SH3D19: variants seen among roughly 807,000 people sequenced by gnomAD.
SH3D19 encodes the protein SH3 domain containing 19.
A neutral mutation model predicts 112.1 loss-of-function variants in SH3D19; 58 were observed. The ratio of observed to expected loss-of-function variants is 0.52; its 90% CI spans 0.42 to 0.64. SH3D19 has a LOEUF of 0.64. SH3D19 is among the 30% of genes least tolerant of loss of function. SH3D19 has a pLI of 0.00. For synonymous variants in SH3D19, 391 were observed against 448.5 expected, an observed-to-expected ratio of 0.87 and a Z score of 1.62; for missense variants, 1,090 against 1,263.4, an observed-to-expected ratio of 0.86 and a Z score of 2.08.
At chr4:151,235,373 A>T (rs1199426610) in intron 1 of SH3D19, among the ~76,000 whole-genome samples, 1 of 152,260 alleles carries the variant, frequency 6.6e-6, no homozygotes, top group Non-Finnish European at 1.5e-5. Flanking sequence ...TGAGAAAGTG[A>T]CCTAATAACA....
At chr4:151,218,068 T>C (rs186531884) in intron 2 of SH3D19, among the ~76,000 whole-genome samples, 2 of 152,238 alleles carry the variant, frequency 1.3e-5, no homozygotes, top group East Asian at 3.9e-4. Flanking sequence ...CACTCTTAAG[T>C]CACCTATGGG....
chr4:151,127,347 C>A (rs1749639001), intron 19 of SH3D19, among the ~76,000 whole-genome samples: 1 of 152,138 alleles, frequency 6.6e-6, no homozygotes, highest in Non-Finnish European at 1.5e-5. Context: ...ATCTGATGAC[C>A]TAAGACCAAG....
intron 1 of SH3D19, among the ~76,000 whole-genome samples, chr4:151,296,333 CAT>C (rs1775715104): frequency 6.6e-6 from 1 of 152,000 alleles, no homozygotes; most frequent in Non-Finnish European, 1.5e-5. Flanking sequence ...ATTGCTAAGA[CAT>C]AAAATGAAAA....
intron 1 of SH3D19, among the ~76,000 whole-genome samples, chr4:151,277,868 C>G (rs1358782355): frequency 2.0e-5 from 3 of 152,078 alleles, no homozygotes; most frequent in African/African-American, 7.2e-5. Context: ...TGGTGAAACC[C>G]CATCTCTACA....
intron 1 of SH3D19, among the ~76,000 whole-genome samples, chr4:151,240,080 C>T (rs1412814643): frequency 1.3e-5 from 2 of 149,636 alleles, no homozygotes; most frequent in Non-Finnish European, 3.0e-5. Flanking sequence ...GCTTGGGCAA[C>T]ATACGGAGAT....
intron 9 of SH3D19, among the ~76,000 whole-genome samples, chr4:151,156,780 A>G (rs1469501749): frequency 6.6e-6 from 1 of 152,240 alleles, no homozygotes; most frequent in Non-Finnish European, 1.5e-5. Context: ...ACACCTCAAA[A>G]GCACAGGCAA....
At chr4:151,124,112 ATT>A in intron 19 of SH3D19, among the ~76,000 whole-genome samples, 1 of 147,874 alleles carries the variant, frequency 6.8e-6, no homozygotes, top group Non-Finnish European at 1.5e-5. Context: ...GGCTAGGACT[ATT>A]TTTTTTTTTT....
chr4:151,258,479 G>A (rs1772113953), intron 1 of SH3D19, among the ~76,000 whole-genome samples: 1 of 152,210 alleles, frequency 6.6e-6, no homozygotes, highest in South Asian at 2.1e-4. Flanking sequence ...CTGAGATGTG[G>A]CAGTTTAGGC....
At chr4:151,266,214 A>T (rs112793601) in intron 1 of SH3D19, 6 of 152,346 alleles carry the variant, frequency 3.9e-5, no homozygotes, top group African/African-American at 9.6e-5. Flanking sequence ...GAAGAAAACC[A>T]GGATTAAGAC....
intron 9 of SH3D19, among the ~76,000 whole-genome samples, chr4:151,153,116 G>A (rs1441437839): frequency 1.3e-5 from 2 of 151,940 alleles, no homozygotes; most frequent in Non-Finnish European, 2.9e-5. Context: ...TTACAGGCAT[G>A]AACCACCATG....
intron 9 of SH3D19, among the ~76,000 whole-genome samples, chr4:151,156,196 A>G (rs965239593): frequency 1.3e-5 from 2 of 152,222 alleles, no homozygotes; most frequent in African/African-American, 4.8e-5. Flanking sequence ...ACAAACAGAC[A>G]TTCTATATTC....
chr4:151,244,473 G>A lies in SH3D19; in HGVS notation c.113-18387C>T, dbSNP rs570057216. On this transcript the variant is annotated intron_variant, in intron 1 of 19. Coordinates refer to ENST00000604030, the MANE Select transcript of SH3D19 (RefSeq NM_001378122.1). ...TTCTAAGTTGTTTCTTTTTACACCC[G>A]AGGATCACAAAAGAATGACTTCTTC... Among the ~76,000 whole-genome samples the A allele has an allele frequency of 5.3e-5, 8 of 152,284 alleles. No homozygotes were observed. The South Asian group carries it at 8.3e-4, about 16-fold the overall frequency.
At position 151,127,595 on chromosome 4, in the gene SH3D19, T is replaced by C. The variant is rs776699465; in HGVS notation, c.3027+23A>G. 18 of 1,413,436 alleles carry C rather than the reference T, an allele frequency of 1.3e-5. No homozygotes were observed. In the Admixed American group the frequency reaches 3.6e-4, roughly 28 times the overall value. The allele number at this position is 1,413,436 out of a possible 1,614,324, so 87.6% of individuals were successfully genotyped here. A position where few individuals can be genotyped will look rare whatever the true frequency, so the allele number is the denominator to read the frequency against. ...AAAAAATTATAGTGCTTAATGCAGTTATGAAGAGATACACATTCTGACCTT... is the reference window on the plus strand; with the variant it reads ...AAAAAATTATAGTGCTTAATGCAGTCATGAAGAGATACACATTCTGACCTT... On this transcript the variant is annotated intron_variant, in intron 19 of 19. Coordinates refer to ENST00000604030, the MANE Select transcript of SH3D19 (RefSeq NM_001378122.1).
chr4:151,250,528 G>GAGAA (rs34363522), intron 1 of SH3D19, among the ~76,000 whole-genome samples: 3 of 151,610 alleles, frequency 2.0e-5, no homozygotes, highest in Non-Finnish European at 2.9e-5. Context: ...GAGAGAGAGA[G>GAGAA]ATCTGGAATG....
chr4:151,152,356 A>G (rs1755195178), intron 9 of SH3D19, among the ~76,000 whole-genome samples: 1 of 151,730 alleles, frequency 6.6e-6, no homozygotes, highest in Admixed American at 6.6e-5. Flanking sequence ...ATATCCCTGA[A>G]CTCTGGCTTT....
intron 1 of SH3D19, among the ~76,000 whole-genome samples, chr4:151,313,792 T>G (rs897754635): frequency 1.3e-5 from 2 of 152,110 alleles, no homozygotes; most frequent in Non-Finnish European, 2.9e-5. Context: ...GCCTATATGT[T>G]GAGGGGAATC....
At chr4:151,216,080 C>T (rs140440013) in intron 2 of SH3D19, among the ~76,000 whole-genome samples, 1 of 152,248 alleles carries the variant, frequency 6.6e-6, no homozygotes, top group African/African-American at 2.4e-5. Context: ...CTGCCCATCT[C>T]GGCCTCCCAA....
At chr4:151,246,393 A>AT (rs754116849) in intron 1 of SH3D19, among the ~76,000 whole-genome samples, 5 of 152,196 alleles carry the variant, frequency 3.3e-5, no homozygotes, top group Admixed American at 6.5e-5. Flanking sequence ...TGCAATGATG[A>AT]TGTTCAAAGC....
chr4:151,183,074 C>T (rs188916771), intron 3 of SH3D19, among the ~76,000 whole-genome samples: 86 of 151,396 alleles, frequency 5.7e-4, no homozygotes, highest in African/African-American at 1.9e-3. Flanking sequence ...TCACTGGAAC[C>T]TCTGCCTTCC....
Sources: gnomAD v4.1 joint callset for allele counts (sites outside exome capture counted in the v4.1 genomes callset) on GRCh38, gnomAD v4.1.1 for gene constraint, MANE v1.5 for transcripts, NCBI Gene and HGNC (gene_info 2026-07-23, HGNC 2026-07-21) for gene names.